CMSS1: variants seen among roughly 807,000 people sequenced by gnomAD.
The protein encoded by CMSS1 is cms1 ribosomal small subunit homolog, also known as protein CMSS1.
In CMSS1, 33 loss-of-function variants were observed where a neutral mutation model predicts 43.5. The ratio of observed to expected loss-of-function variants is 0.76; its 90% CI spans 0.57 to 1.01. CMSS1 has a LOEUF of 1.01. Among genes scored for constraint, CMSS1 ranks in the 50% least tolerant of loss-of-function variants. CMSS1 has a pLI of 0.00. For synonymous variants in CMSS1, 115 were observed against 117.2 expected (o/e 0.98, Z 0.12); for missense variants, 313 against 326.4 (o/e 0.96, Z 0.32).
At chr3:100,164,956 T>A (rs1362509713) in intron 4 of CMSS1, among the ~76,000 whole-genome samples, 1 of 152,106 alleles carries the variant, frequency 6.6e-6, no homozygotes, top group Non-Finnish European at 1.5e-5. Context: ...AAGGTTGGAG[T>A]CACCCGGAGC....
At chr3:100,048,474 C>T (rs1014677861) in intron 1 of CMSS1, among the ~76,000 whole-genome samples, 3 of 152,136 alleles carry the variant, frequency 2.0e-5, no homozygotes, top group Non-Finnish European at 4.4e-5. Context: ...CAAGCTGTGA[C>T]ACGGAGCTCA....
chr3:99,984,540 C>A (rs1454473322), intron 1 of CMSS1, among the ~76,000 whole-genome samples: 3 of 152,152 alleles, frequency 2.0e-5, no homozygotes, highest in Non-Finnish European at 4.4e-5. Flanking sequence ...AGCCCCTGGT[C>A]ACTGAAACTC....
chr3:99,862,164 A>G (rs1362413422), intron 1 of CMSS1, among the ~76,000 whole-genome samples: 1 of 152,250 alleles, frequency 6.6e-6, no homozygotes, highest in East Asian at 1.9e-4. Flanking sequence ...ATATCTAGAT[A>G]TATAAAAACA....
intron 1 of CMSS1, among the ~76,000 whole-genome samples, chr3:99,896,767 GA>G (rs1706268534): frequency 6.6e-6 from 1 of 152,110 alleles, no homozygotes; most frequent in South Asian, 2.1e-4. Flanking sequence ...GGTTCCAGAG[GA>G]CTAGGGTTTA....
chr3:99,850,628 C>T, intron 1 of CMSS1: 1 of 1,614,012 alleles, frequency 6.2e-7, no homozygotes, highest in Non-Finnish European at 8.5e-7. Flanking sequence ...TCTTGCAGCT[C>T]CTCTTCTGCT....
intron 1 of CMSS1, chr3:99,850,136 TTTTC>T: frequency 6.2e-7 from 1 of 1,611,726 alleles, no homozygotes; most frequent in East Asian, 2.2e-5. Context: ...TTATCTTCAG[TTTTC>T]TTTAATTTTT....
intron 1 of CMSS1, among the ~76,000 whole-genome samples, chr3:100,144,699 T>C (rs552779596): frequency 1.4e-3 from 209 of 152,306 alleles, no homozygotes; most frequent in Non-Finnish European, 2.2e-3. Flanking sequence ...CTGAAAGGTT[T>C]TAGTCTTGCT....
intron 1 of CMSS1, among the ~76,000 whole-genome samples, chr3:99,971,488 G>A (rs1708821151): frequency 1.3e-5 from 2 of 152,174 alleles, no homozygotes; most frequent in African/African-American, 2.4e-5. Context: ...ATACTGGTAT[G>A]GGACTCAGGA....
At chr3:100,056,555 A>G (rs1002401496) in intron 1 of CMSS1, among the ~76,000 whole-genome samples, 1 of 152,186 alleles carries the variant, frequency 6.6e-6, no homozygotes, top group Non-Finnish European at 1.5e-5. Flanking sequence ...AAATGCTGCT[A>G]GCCCTTACTG....
intron 1 of CMSS1, among the ~76,000 whole-genome samples, chr3:99,997,254 C>A (rs569844753): frequency 2.0e-5 from 3 of 152,200 alleles, no homozygotes; most frequent in South Asian, 2.1e-4. Flanking sequence ...AAATAAAAAT[C>A]AGAAATGATA....
At position 100,178,540 on chromosome 3, in the gene CMSS1, C is replaced by G; in HGVS notation, c.*152C>G. On this transcript the variant is annotated 3_prime_UTR_variant, in exon 10 of 10. Coordinates refer to ENST00000421999, the MANE Select transcript of CMSS1 (RefSeq NM_032359.4). ...TCACTGGAATGTGGGGATTCTGAAA[C>G]AGAAATGAAACTGTCCTTTTGACAA... is the stretch of plus-strand genomic sequence containing the variant. 1.7e-6 allele frequency: 1 copy of G among 572,712 alleles called. No homozygotes were observed. Among genetic ancestry groups the G allele is most frequent in the Non-Finnish European group, 3.1e-6 (1 of 320,090 alleles). The allele number at this position is 572,712 out of a possible 1,614,324, so 35.5% of individuals were successfully genotyped here. A position where few individuals can be genotyped will look rare whatever the true frequency, so the allele number is the denominator to read the frequency against.
intron 1 of CMSS1, among the ~76,000 whole-genome samples, chr3:99,822,251 GTTATTT>G (rs1942453010): frequency 6.6e-6 from 1 of 152,172 alleles, no homozygotes; most frequent in South Asian, 2.1e-4. Flanking sequence ...ATACAGATAG[GTTATTT>G]TTAAAGAGCA....
intron 1 of CMSS1, among the ~76,000 whole-genome samples, chr3:100,084,977 T>A (rs192754294): frequency 2.5e-4 from 38 of 152,368 alleles, no homozygotes; most frequent in African/African-American, 9.1e-4. Flanking sequence ...TCTCTGTCCA[T>A]GTCTTTAGCT....
chr3:100,068,776 C>A (rs947346842), intron 1 of CMSS1, among the ~76,000 whole-genome samples: 22 of 152,142 alleles, frequency 1.4e-4, no homozygotes, highest in African/African-American at 5.3e-4. Context: ...TACAGGCGCC[C>A]ACCACCATGC....
At chr3:100,036,346 C>A (rs1006212899) in intron 1 of CMSS1, among the ~76,000 whole-genome samples, 10 of 152,132 alleles carry the variant, frequency 6.6e-5, no homozygotes, top group Admixed American at 5.9e-4. Flanking sequence ...TCTTTTCATG[C>A]CACGATGTTA....
intron 2 of CMSS1, among the ~76,000 whole-genome samples, chr3:100,155,498 C>T (rs1414574272): frequency 2.0e-5 from 3 of 152,184 alleles, no homozygotes; most frequent in Non-Finnish European, 4.4e-5. Context: ...TGCTGCAAAA[C>T]TCCATATTTC....
intron 8 of CMSS1, among the ~76,000 whole-genome samples, chr3:100,175,801 G>C (rs1559780150): frequency 6.6e-6 from 1 of 152,174 alleles, no homozygotes; most frequent in African/African-American, 2.4e-5. Flanking sequence ...CAGGAAAGCA[G>C]AGAATGGAGT....
At chr3:100,067,255 C>G (rs2065682643) in intron 1 of CMSS1, among the ~76,000 whole-genome samples, 1 of 152,068 alleles carries the variant, frequency 6.6e-6, no homozygotes, top group East Asian at 1.9e-4. Flanking sequence ...CCTACTCAAA[C>G]TGAATTACCA....
chr3:100,062,999 A>G (rs1249376408), intron 1 of CMSS1, among the ~76,000 whole-genome samples: 1 of 152,216 alleles, frequency 6.6e-6, no homozygotes, highest in African/African-American at 2.4e-5. Flanking sequence ...TTTGACACAT[A>G]AAGGCAAAAT....
Sources: allele counts gnomAD v4.1 joint callset (sites outside exome capture counted in the v4.1 genomes callset), GRCh38; gene constraint gnomAD v4.1.1; transcripts MANE v1.5; gene names NCBI Gene and HGNC (gene_info 2026-07-23, HGNC 2026-07-21).